The following SORCS2 variants were observed in gnomAD, a reference collection of about 807,000 sequenced individuals.
SORCS2 encodes VPS10 domain-containing receptor SorCS2.
A neutral mutation model predicts 141.6 loss-of-function variants in SORCS2; 100 were observed. The observed-to-expected ratio is 0.71, with a 90% confidence interval of 0.60 to 0.83. SORCS2 has a LOEUF of 0.83. Among genes scored for constraint, SORCS2 ranks in the 40% least tolerant of loss-of-function variants. SORCS2 has a pLI of 0.00. For missense variants in SORCS2, 1,646 were observed against 1,560.2 expected (o/e 1.05, Z -0.93); for synonymous variants, 789 against 676.9 (o/e 1.17, Z -2.57).
Position 7,272,781 on chromosome 4 carries a change from C to T in SORCS2, c.480+79655C>T, listed in dbSNP as rs116271088. Among the ~76,000 whole-genome samples, 693 of 152,362 alleles carry T rather than the reference C, an allele frequency of 4.5e-3. 6 individuals are homozygous for T. Among genetic ancestry groups the T allele is most frequent in the African/African-American group, 0.015 (638 of 41,576 alleles). On this transcript the variant is annotated intron_variant, in intron 1 of 26. Coordinates refer to ENST00000507866, the MANE Select transcript of SORCS2 (RefSeq NM_020777.3). The stretch of plus-strand genomic sequence containing the variant: ...CGCAATCAGATCTCGCGCTTCAGGG[C>T]GTAAGCTGAACTCTGGTGGAGGTGG...
intron 2 of SORCS2, among the ~76,000 whole-genome samples, chr4:7,475,268 A>T (rs2109355280): frequency 6.6e-6 from 1 of 152,000 alleles, no homozygotes; most frequent in East Asian, 2.0e-4. Flanking sequence ...AAGACAGGCC[A>T]AGGAGTGGCA....
At chr4:7,647,995 C>A (rs966603624) in intron 4 of SORCS2, among the ~76,000 whole-genome samples, 1 of 152,136 alleles carries the variant, frequency 6.6e-6, no homozygotes, top group East Asian at 1.9e-4. Context: ...CTGAAGTTTC[C>A]GAGATGGGAG....
chr4:7,285,238 G>C (rs943115086), intron 1 of SORCS2, among the ~76,000 whole-genome samples: 5 of 152,064 alleles, frequency 3.3e-5, no homozygotes, highest in Non-Finnish European at 7.4e-5. Flanking sequence ...TCACCATGTT[G>C]GTCAGGCTGG....
At chr4:7,302,840 C>T (rs1329623132) in intron 1 of SORCS2, among the ~76,000 whole-genome samples, 1 of 151,118 alleles carries the variant, frequency 6.6e-6, no homozygotes, top group Non-Finnish European at 1.5e-5. Flanking sequence ...CCTTTTTACG[C>T]ACAAGGGTAT....
chr4:7,308,396 T>G (rs548034652), intron 1 of SORCS2, among the ~76,000 whole-genome samples: 3 of 152,220 alleles, frequency 2.0e-5, no homozygotes, highest in South Asian at 4.1e-4. Flanking sequence ...TGGGGACTTT[T>G]CTGGCCTGTG....
Position 7,723,607 on chromosome 4 carries a change from A to ATGAG in SORCS2, c.2425-70_2425-67dup, listed in dbSNP as rs199708011. 1,062 of 1,403,016 alleles carry ATGAG rather than the reference A, an allele frequency of 7.6e-4. 4 individuals carry two copies. The East Asian group carries it at 0.013, about 17-fold the overall frequency. 86.9% of individuals were successfully genotyped at this position (1,403,016 alleles called of 1,614,324 possible). A position where few individuals can be genotyped will look rare whatever the true frequency, so the allele number is the denominator to read the frequency against. ...AGGAAGGGAGGGCGGCAATGAATGA[A>ATGAG]TGAGTGAGTGAGTGAGTGAGTGAAT... On this transcript the variant is annotated intron_variant, in intron 18 of 26. Coordinates refer to ENST00000507866, the MANE Select transcript of SORCS2 (RefSeq NM_020777.3).
intron 1 of SORCS2, among the ~76,000 whole-genome samples, chr4:7,350,195 C>T (rs1342478947): frequency 6.6e-6 from 1 of 152,216 alleles, no homozygotes; most frequent in East Asian, 1.9e-4. Flanking sequence ...GTGCGAATTT[C>T]CCTGAAGGGA....
intron 3 of SORCS2, among the ~76,000 whole-genome samples, chr4:7,586,305 C>A (rs1347170808): frequency 6.6e-6 from 1 of 152,212 alleles, no homozygotes; most frequent in African/African-American, 2.4e-5. Flanking sequence ...TTTCACTGCC[C>A]CCAATGACGA....
chr4:7,192,989 CGGCGCTGGGAGCG>C lies in SORCS2; in HGVS notation c.348_360del (p.Trp117ArgfsTer41). Reference sequence around the variant, plus strand: ...GGACGGCGCCCCCGCCGCGGGCTACCGGCGCTGGGAGCGGGCGGCGCCGCTGGCCGGAGTGGCT... The same window carrying C: ...GGACGGCGCCCCCGCCGCGGGCTACCGGCGGCGCCGCTGGCCGGAGTGGCT... On this transcript the variant is annotated frameshift_variant, in exon 1 of 27. Transcript: ENST00000507866. LOFTEE classifies it high-confidence loss of function. This position sits in a 1 kb window ranked among gnomAD's most constrained non-coding sequence, Gnocchi z 4.0. 2.8e-6 allele frequency: 4 copies of C among 1,427,456 alleles called. No homozygotes were observed. The highest frequency in any genetic ancestry group is 3.6e-6 in the Non-Finnish European group (4 of 1,098,458). The allele number at this position is 1,427,456 out of a possible 1,614,324, so 88.4% of individuals were successfully genotyped here.
At position 7,712,818 on chromosome 4, in the gene SORCS2, G is replaced by A. The variant is rs1725915244; in HGVS notation, c.1954G>A (p.Glu652Lys). 6.2e-7 allele frequency: 1 copy of A among 1,614,004 alleles called. No homozygotes were observed. Among genetic ancestry groups the A allele is most frequent in the Non-Finnish European group, 8.5e-7 (1 of 1,179,890 alleles). The change falls in exon 15 of 27, where the codon GAG (glutamate) becomes AAG (lysine). Residue 652 changes from glutamate (E) to lysine (K), a missense_variant. Transcript: ENST00000507866. ...CTCATTCTCCAGGCAGTGCGGCGAG[G>A]AGGACTACAGCTCCTGGGAGCTCTC... ...RPSFSRQCGE[E>K]DYSSWELSNL...
At chr4:7,565,275 C>T (rs1377551882) in intron 3 of SORCS2, among the ~76,000 whole-genome samples, 1 of 152,156 alleles carries the variant, frequency 6.6e-6, no homozygotes, top group Non-Finnish European at 1.5e-5. Context: ...TGCTCCTGGG[C>T]TCAGAAGTGA....
chr4:7,463,290 C>G (rs527365551), intron 2 of SORCS2, among the ~76,000 whole-genome samples: 2 of 152,274 alleles, frequency 1.3e-5, no homozygotes, highest in African/African-American at 4.8e-5. Context: ...GAAAATGGGG[C>G]TGTGGTATCA....
intron 1 of SORCS2, among the ~76,000 whole-genome samples, chr4:7,349,347 T>A (rs574176875): frequency 6.6e-6 from 1 of 152,122 alleles, no homozygotes; most frequent in Non-Finnish European, 1.5e-5. Context: ...ATTGTAAATA[T>A]CTTGCTGAGT....
intron 3 of SORCS2, among the ~76,000 whole-genome samples, chr4:7,635,216 G>A (rs764263181): frequency 1.4e-4 from 21 of 152,172 alleles, no homozygotes; most frequent in Non-Finnish European, 2.9e-5. Context: ...CATCCTGCGT[G>A]GGTGCATCCT....
At chr4:7,450,880 CTGAG>C (rs1166937237) in intron 2 of SORCS2, among the ~76,000 whole-genome samples, 12 of 150,610 alleles carry the variant, frequency 8.0e-5, no homozygotes, top group African/African-American at 2.2e-4. Context: ...GCATGAGTGA[CTGAG>C]TGGGTGAATG....
intron 2 of SORCS2, among the ~76,000 whole-genome samples, chr4:7,474,313 G>T (rs1560314536): frequency 6.6e-6 from 1 of 152,224 alleles, no homozygotes; most frequent in Non-Finnish European, 1.5e-5. Flanking sequence ...CTCTGCGGTT[G>T]GCTCTGCCTG....
At chr4:7,419,771 C>G (rs4689741) in intron 2 of SORCS2, among the ~76,000 whole-genome samples, 1 of 151,916 alleles carries the variant, frequency 6.6e-6, no homozygotes. Context: ...GTCTGCAGGA[C>G]AGTGTAGATG....
intron 1 of SORCS2, among the ~76,000 whole-genome samples, chr4:7,227,777 G>A (rs1361623972): frequency 6.6e-6 from 1 of 152,242 alleles, no homozygotes; most frequent in Non-Finnish European, 1.5e-5. Flanking sequence ...CTCAGGCAGA[G>A]CGGCTAAACG....
chr4:7,498,300 T>A (rs1731755864), intron 2 of SORCS2, among the ~76,000 whole-genome samples: 1 of 152,198 alleles, frequency 6.6e-6, no homozygotes, highest in African/African-American at 2.4e-5. Flanking sequence ...CCTTGGCTGA[T>A]GTGGGGATCG....
Sources: allele counts gnomAD v4.1 joint callset (sites outside exome capture counted in the v4.1 genomes callset), GRCh38; gene constraint gnomAD v4.1.1; non-coding constraint Gnocchi (gnomAD v3.1); transcripts MANE v1.5; gene names NCBI Gene and HGNC (gene_info 2026-07-23, HGNC 2026-07-21).